Variants in KCNIP4 observed in about 807,000 individuals in gnomAD.
KCNIP4 encodes the protein Kv channel-interacting protein 4.
Under a neutral mutation model 34.0 loss-of-function variants are expected in KCNIP4, and 12 were observed. The observed-to-expected ratio is 0.35, with a 90% CI of 0.23 to 0.57. The LOEUF (loss-of-function observed/expected upper bound fraction) is 0.57, where lower values mean the gene tolerates loss of function less well. Among genes scored for constraint, KCNIP4 ranks in the 20% least tolerant of loss-of-function variants. The pLI is 0.83. For synonymous variants in KCNIP4, 124 were observed against 102.2 expected, an observed-to-expected ratio of 1.21 and a Z score of -1.29; for missense variants, 238 against 311.7, an observed-to-expected ratio of 0.76 and a Z score of 1.78.
chr4:21,845,880 G>C (rs1430089915), intron 1 of KCNIP4: 1 of 151,992 alleles, frequency 6.6e-6, no homozygotes, highest in South Asian at 2.1e-4. Flanking sequence ...TTAGTTTTTA[G>C]TAAGTATCTG....
chr4:20,772,614 A>G (rs1480644850), intron 3 of KCNIP4, among the ~76,000 whole-genome samples: 1 of 148,044 alleles, frequency 6.8e-6, no homozygotes, highest in Non-Finnish European at 1.5e-5. Flanking sequence ...ATTTTATTAT[A>G]CATTTTGTTC....
intron 1 of KCNIP4, among the ~76,000 whole-genome samples, chr4:21,889,275 T>C (rs1027688193): frequency 1.3e-5 from 2 of 152,160 alleles, no homozygotes; most frequent in Non-Finnish European, 2.9e-5. Flanking sequence ...TTGGGCTATG[T>C]ATATAATGTG....
intron 1 of KCNIP4, among the ~76,000 whole-genome samples, chr4:21,339,984 T>C (rs144767025): frequency 6.6e-6 from 1 of 152,180 alleles, no homozygotes; most frequent in Non-Finnish European, 1.5e-5. Flanking sequence ...TCTATGTAAT[T>C]TCTACATTTG....
chr4:21,359,969 A>G (rs977735650), intron 1 of KCNIP4, among the ~76,000 whole-genome samples: 23 of 152,140 alleles, frequency 1.5e-4, no homozygotes, highest in Non-Finnish European at 2.9e-4. Context: ...AAATCTGAGA[A>G]GGGGATTGTG....
chr4:21,145,245 TAG>T (rs946410652), intron 1 of KCNIP4, among the ~76,000 whole-genome samples: 18 of 152,290 alleles, frequency 1.2e-4, no homozygotes, highest in Middle Eastern at 6.8e-3. Context: ...TTTAGAAACT[TAG>T]AGTCTCTACT....
chr4:20,891,562 G>A (rs537573473), intron 1 of KCNIP4, among the ~76,000 whole-genome samples: 19 of 152,016 alleles, frequency 1.2e-4, no homozygotes, highest in South Asian at 4.2e-4. Flanking sequence ...CCAAGATCAC[G>A]CCACGGCACT....
At chr4:21,934,347 T>C (rs1428388669) in intron 1 of KCNIP4, among the ~76,000 whole-genome samples, 1 of 152,022 alleles carries the variant, frequency 6.6e-6, no homozygotes, top group Non-Finnish European at 1.5e-5. Context: ...TGCAGGTTAC[T>C]TTCATTGCCA....
intron 1 of KCNIP4, among the ~76,000 whole-genome samples, chr4:21,645,563 A>G (rs1262756656): frequency 6.6e-6 from 1 of 152,182 alleles, no homozygotes; most frequent in Non-Finnish European, 1.5e-5. Flanking sequence ...GTGAAAATCC[A>G]GACAGATCCC....
intron 1 of KCNIP4, among the ~76,000 whole-genome samples, chr4:20,966,755 C>A (rs1734386508): frequency 6.6e-6 from 1 of 152,112 alleles, no homozygotes; most frequent in African/African-American, 2.4e-5. Flanking sequence ...ATTCTTCCTA[C>A]CTATAGTTAT....
At chr4:21,611,635 TTTTG>T (rs3050867) in intron 1 of KCNIP4, among the ~76,000 whole-genome samples, 26,265 of 151,882 alleles carry the variant, frequency 0.17, 2,405 homozygotes, top group South Asian at 0.26. Flanking sequence ...TTTAAGGTTT[TTTTG>T]TTTGTTTGTT....
intron 1 of KCNIP4, among the ~76,000 whole-genome samples, chr4:21,364,535 T>C (rs180871225): frequency 1.3e-5 from 2 of 152,076 alleles, no homozygotes; most frequent in African/African-American, 4.8e-5. Context: ...AATCCACCGG[T>C]TAAAGATGGA....
intron 1 of KCNIP4, among the ~76,000 whole-genome samples, chr4:20,998,948 G>A (rs1208847288): frequency 6.6e-6 from 1 of 152,208 alleles, no homozygotes; most frequent in Non-Finnish European, 1.5e-5. Context: ...AGGTACAAAT[G>A]AGCCAGCTCT....
chr4:21,318,038 C>T (rs1182963137), intron 1 of KCNIP4, among the ~76,000 whole-genome samples: 3 of 152,082 alleles, frequency 2.0e-5, no homozygotes, highest in South Asian at 2.1e-4. Flanking sequence ...TCTTTAAATC[C>T]GATTTATAAA....
intron 1 of KCNIP4, among the ~76,000 whole-genome samples, chr4:21,372,284 T>A (rs916118246): frequency 7.5e-5 from 11 of 146,982 alleles, no homozygotes; most frequent in Non-Finnish European, 1.6e-4. Flanking sequence ...TTCCATTTTT[T>A]AAAGTTTCTG....
intron 1 of KCNIP4, among the ~76,000 whole-genome samples, chr4:21,923,473 T>A (rs376682957): frequency 4.6e-5 from 7 of 151,954 alleles, no homozygotes; most frequent in Non-Finnish European, 7.4e-5. Flanking sequence ...CCCAGCTACT[T>A]TGGAGGCTGA....
intron 1 of KCNIP4, chr4:21,544,281 CACAA>C (rs1737958218): frequency 6.6e-6 from 1 of 152,088 alleles, no homozygotes; most frequent in Non-Finnish European, 1.5e-5. Context: ...CACACACACA[CACAA>C]ACACATACAT....
chr4:21,538,257 T>C (rs575283206), intron 1 of KCNIP4, among the ~76,000 whole-genome samples: 1 of 152,214 alleles, frequency 6.6e-6, no homozygotes, highest in Admixed American at 6.5e-5. Context: ...TCTCCAGAAG[T>C]GTCAGATAGT....
intron 1 of KCNIP4, among the ~76,000 whole-genome samples, chr4:21,197,619 T>G (rs1483115580): frequency 6.6e-6 from 1 of 152,088 alleles, no homozygotes; most frequent in Non-Finnish European, 1.5e-5. Flanking sequence ...CTGTATTTAT[T>G]GCAAATATAT....
chr4:21,717,583 C>T, intron 1 of KCNIP4, among the ~76,000 whole-genome samples: 1 of 152,136 alleles, frequency 6.6e-6, no homozygotes, highest in African/African-American at 2.4e-5. Context: ...TTATGACCAC[C>T]TATATTCAAA....
Sources: gnomAD v4.1 joint callset for allele counts (sites outside exome capture counted in the v4.1 genomes callset) on GRCh38, gnomAD v4.1.1 for gene constraint, MANE v1.5 for transcripts, NCBI Gene and HGNC (gene_info 2026-07-23, HGNC 2026-07-21) for gene names.